KIFC3: variants seen among roughly 807,000 people sequenced by gnomAD.
The protein encoded by KIFC3 is kinesin-like protein KIFC3.
KIFC3 carries 60 observed loss-of-function variants against 101.8 expected under a neutral mutation model. That is an observed-to-expected ratio of 0.59 (90% CI 0.48 to 0.73). KIFC3 has a LOEUF of 0.73. Ranked by LOEUF, KIFC3 falls within the 30% of genes least tolerant of loss-of-function variation. The probability of loss-of-function intolerance (pLI) is 0.00; values close to 1 mark genes in which losing one functional copy is unlikely to be tolerated. For synonymous variants in KIFC3, 476 were observed against 482.7 expected (o/e 0.99, Z 0.18); for missense variants, 966 against 1,137.1 (o/e 0.85, Z 2.16).
At chr16:57,791,247 TTCCC>T (rs1367536897) in intron 3 of KIFC3, among the ~76,000 whole-genome samples, 1 of 151,960 alleles carries the variant, frequency 6.6e-6, no homozygotes, top group Non-Finnish European at 1.5e-5. Flanking sequence ...AAATAGAAAA[TTCCC>T]TCCAACTTAA....
At chr16:57,814,872 T>G (rs2055184036) in intron 1 of KIFC3, among the ~76,000 whole-genome samples, 1 of 152,102 alleles carries the variant, frequency 6.6e-6, no homozygotes. Context: ...TCCACGAACC[T>G]CGGCCTCCCA....
chr16:57,804,440 G>C (rs1043700147), upstream of KIFC3, among the ~76,000 whole-genome samples: 1 of 152,116 alleles, frequency 6.6e-6, no homozygotes, highest in Admixed American at 6.5e-5. Context: ...ACTCCAATAG[G>C]TACTCACACA....
In KIFC3 at chr16:57,782,933, C is replaced by T. The variant is rs550460127; in HGVS notation, c.316-10645G>A. Among the ~76,000 whole-genome samples the T allele has an allele frequency of 9.2e-5, 14 of 152,132 alleles. No individual in the cohort carries two copies. The East Asian group carries it at 2.3e-3, about 25-fold the overall frequency. On this transcript the variant is annotated intron_variant, in intron 3 of 19. Transcript: ENST00000445690. ...TGCATTCCAGCCTGGGCAACAAGAG[C>T]GAAACTCCATCTCAAAAAAGAAAAA...
chr16:57,848,036 G>A (rs247047), intron 1 of KIFC3, among the ~76,000 whole-genome samples: 68,546 of 152,048 alleles, frequency 0.45, 17,899 homozygotes, highest in East Asian at 0.66. Context: ...TCCACCTGCC[G>A]CAGCCTTCTA....
chr16:57,822,439 C>T (rs887746388), intron 1 of KIFC3, among the ~76,000 whole-genome samples: 8 of 152,162 alleles, frequency 5.3e-5, no homozygotes, highest in Non-Finnish European at 1.0e-4. Flanking sequence ...CGGTGGCTCA[C>T]ACCTGTAATC....
chr16:57,799,224 T>A (rs1555624709), intron 1 of KIFC3, among the ~76,000 whole-genome samples: 2 of 152,208 alleles, frequency 1.3e-5, no homozygotes, highest in Admixed American at 6.5e-5. Context: ...GCACCTACTG[T>A]GTGCAAAGCA....
intron 1 of KIFC3, among the ~76,000 whole-genome samples, chr16:57,862,427 G>T (rs1251138565): frequency 2.0e-5 from 3 of 151,966 alleles, no homozygotes; most frequent in African/African-American, 7.3e-5. Flanking sequence ...TTGACCGAGG[G>T]TTACTGAAAC....
Position 57,798,081 on chromosome 16 carries a change from A to C in KIFC3, c.163T>G (p.Leu55Val). 4.4e-6 allele frequency: 7 copies of C among 1,591,444 alleles called. No individual in the cohort carries two copies. The highest frequency in any genetic ancestry group is 6.0e-6 in the Non-Finnish European group (7 of 1,169,496). Residue 55 changes from leucine to valine, a missense_variant, in exon 2 of 20, where the codon TTG becomes GTG. Physicochemically the swap from Leu to Val is conservative, Grantham distance 32. Around this residue, in one of 2 missense-constraint regions of KIFC3, gnomAD observed 277 missense variants for 252.5 expected, o/e 1.10. Coordinates refer to ENST00000445690, the MANE Select transcript of KIFC3 (RefSeq NM_001130100.2). The stretch of plus-strand genomic sequence containing the variant: ...AAAAATGCGGACTCACCAGTTCTCA[A>C]CCTCCCCGGGCCGGTGTGTGGGAAA... ...RPFPHTGPGR[L>V]RTGRGKDTPV... is the part of the protein sequence containing the mutation.
intron 3 of KIFC3, chr16:57,774,756 G>T (rs1026624788): frequency 6.2e-6 from 4 of 643,918 alleles, no homozygotes; most frequent in African/African-American, 5.7e-5. Context: ...TGAATTCCTG[G>T]CCTCAAGCAG....
intron 1 of KIFC3, among the ~76,000 whole-genome samples, chr16:57,851,339 T>TGTTCTA (rs1378531921): frequency 6.6e-6 from 1 of 152,194 alleles, no homozygotes; most frequent in Admixed American, 6.6e-5. Context: ...TCTCTCTGTT[T>TGTTCTA]GTTCTAGTTC....
At chr16:57,834,718 T>C (rs1555480034) in intron 1 of KIFC3, among the ~76,000 whole-genome samples, 1 of 152,174 alleles carries the variant, frequency 6.6e-6, no homozygotes, top group South Asian at 2.1e-4. Context: ...GGTCTCACTA[T>C]ATTGGCCAGG....
chr16:57,859,659 G>C (rs2056252747), intron 1 of KIFC3, among the ~76,000 whole-genome samples: 1 of 152,094 alleles, frequency 6.6e-6, no homozygotes, highest in African/African-American at 2.4e-5. Flanking sequence ...CAGTTACAGT[G>C]GGAGGGCAAC....
chr16:57,795,663 C>T (rs548226208), intron 2 of KIFC3, among the ~76,000 whole-genome samples: 1 of 152,160 alleles, frequency 6.6e-6, no homozygotes, highest in African/African-American at 2.4e-5. Flanking sequence ...TCTGACACAC[C>T]GCCTCCCTCA....
At chr16:57,850,615 A>G (rs1268772863) in intron 1 of KIFC3, among the ~76,000 whole-genome samples, 1 of 151,516 alleles carries the variant, frequency 6.6e-6, no homozygotes, top group African/African-American at 2.4e-5. Flanking sequence ...AGCTGGGATT[A>G]CAGGCGCCTG....
intron 1 of KIFC3, among the ~76,000 whole-genome samples, chr16:57,799,216 A>T (rs917358185): frequency 7.9e-5 from 12 of 152,222 alleles, no homozygotes; most frequent in African/African-American, 2.7e-4. Context: ...TTTATTGAGC[A>T]CCTACTGTGT....
At chr16:57,793,975 G>A (rs782700839) in intron 3 of KIFC3, among the ~76,000 whole-genome samples, 1 of 152,208 alleles carries the variant, frequency 6.6e-6, no homozygotes, top group Non-Finnish European at 1.5e-5. Context: ...CCTGTTACAA[G>A]GCTAGTTGTG....
intron 1 of KIFC3, among the ~76,000 whole-genome samples, chr16:57,833,441 T>C (rs1366471549): frequency 6.6e-6 from 1 of 152,024 alleles, no homozygotes; most frequent in African/African-American, 2.4e-5. Context: ...CAAGGGGAGA[T>C]TCCCTCCCAC....
intron 1 of KIFC3, among the ~76,000 whole-genome samples, chr16:57,826,212 T>C (rs2055455282): frequency 6.6e-6 from 1 of 152,250 alleles, no homozygotes; most frequent in Non-Finnish European, 1.5e-5. Context: ...ACAGTTCACA[T>C]GCTATCCTGT....
chr16:57,780,770 G>A (rs2052640723), intron 3 of KIFC3, among the ~76,000 whole-genome samples: 2 of 149,110 alleles, frequency 1.3e-5, no homozygotes, highest in Non-Finnish European at 3.0e-5. Flanking sequence ...CACCTCCCGG[G>A]TTCAAGCAAT....
Sources: allele counts gnomAD v4.1 joint callset (sites outside exome capture counted in the v4.1 genomes callset), GRCh38; gene constraint gnomAD v4.1.1; regional missense constraint gnomAD v4.1.1; transcripts MANE v1.5; gene names NCBI Gene and HGNC (gene_info 2026-07-23, HGNC 2026-07-21).